SLC24A2: variants seen among roughly 807,000 people sequenced by gnomAD.
SLC24A2 encodes the protein solute carrier family 24 member 2, also known as sodium/potassium/calcium exchanger 2.
In SLC24A2, 36 loss-of-function variants were observed where a neutral mutation model predicts 62.0. The observed-to-expected ratio is 0.58, with a 90% CI of 0.44 to 0.77. The LOEUF is 0.77. Among genes scored for constraint, SLC24A2 ranks in the 30% least tolerant of loss-of-function variants. The probability of loss-of-function intolerance (pLI) is 0.00; values close to 1 mark genes in which losing one functional copy is unlikely to be tolerated. For synonymous variants in SLC24A2, 358 were observed against 294.0 expected, an observed-to-expected ratio of 1.22 and a Z score of -2.23; for missense variants, 846 against 817.9, an observed-to-expected ratio of 1.03 and a Z score of -0.42.
the SLC24A2 span, among the ~76,000 whole-genome samples, chr9:20,206,767 C>A: frequency 6.6e-6 from 1 of 152,064 alleles, no homozygotes; most frequent in East Asian, 1.9e-4. Context: ...GCGTGAGCCA[C>A]TTCGCCTGGC....
At chr9:19,878,691 G>GT in the SLC24A2 span, among the ~76,000 whole-genome samples, 1 of 152,058 alleles carries the variant, frequency 6.6e-6, no homozygotes, top group Admixed American at 6.6e-5. Flanking sequence ...CCCTGGCCAT[G>GT]TAAGACCTGC....
the SLC24A2 span, chr9:19,967,549 A>C: frequency 6.6e-6 from 1 of 152,226 alleles, no homozygotes; most frequent in Non-Finnish European, 1.5e-5. Context: ...GGTAGCTCTG[A>C]TGCAATTTAC....
chr9:19,574,624 TG>T (rs11302451), intron 6 of SLC24A2, among the ~76,000 whole-genome samples: 138,457 of 152,178 alleles, frequency 0.91, 63,092 homozygotes, highest in East Asian at 1. Context: ...TATAAAACAC[TG>T]TAGCATAGTG....
intron 2 of SLC24A2, among the ~76,000 whole-genome samples, chr9:19,652,724 T>G (rs571706685): frequency 6.6e-6 from 1 of 152,318 alleles, no homozygotes; most frequent in East Asian, 1.9e-4. Flanking sequence ...CTGGTAATAA[T>G]AGGAATTTAA....
the SLC24A2 span, among the ~76,000 whole-genome samples, chr9:20,291,078 T>A: frequency 6.6e-6 from 1 of 152,064 alleles, no homozygotes; most frequent in Non-Finnish European, 1.5e-5. Context: ...CAACCACACA[T>A]ATCAACAATG....
At chr9:20,078,459 G>A in the SLC24A2 span, among the ~76,000 whole-genome samples, 1 of 152,136 alleles carries the variant, frequency 6.6e-6, no homozygotes, top group African/African-American at 2.4e-5. Flanking sequence ...CCCACTGACT[G>A]AAGTGAACTG....
rs1434723683 is a variant in SLC24A2, at chr9:19,553,741, A to C, written c.1348-3473T>G. On this transcript the variant is annotated intron_variant, in intron 7 of 10. Coordinates refer to ENST00000341998, the MANE Select transcript of SLC24A2 (RefSeq NM_020344.4). ...GCAGTCACTAAGCACCTACAGGTGCAAAGCACTGCATTTAATTCTAGGACT... is the reference window on the plus strand; with the variant it reads ...GCAGTCACTAAGCACCTACAGGTGCCAAGCACTGCATTTAATTCTAGGACT... 4.6e-5 allele frequency among the ~76,000 whole-genome samples: 7 copies of C among 152,374 alleles called. No homozygotes were observed. The South Asian group carries it at 1.0e-3, about 23-fold the overall frequency.
chr9:20,099,997 A>G, the SLC24A2 span, among the ~76,000 whole-genome samples: 1 of 151,734 alleles, frequency 6.6e-6, no homozygotes, highest in Admixed American at 6.6e-5. Context: ...TATGAGGCTT[A>G]TATCCTTTTC....
chr9:20,282,977 G>T, the SLC24A2 span, among the ~76,000 whole-genome samples: 1 of 152,082 alleles, frequency 6.6e-6, no homozygotes, highest in Non-Finnish European at 1.5e-5. Flanking sequence ...TGAGTCAAAG[G>T]GATAGAAACA....
chr9:20,174,494 G>A, the SLC24A2 span, among the ~76,000 whole-genome samples: 1 of 146,234 alleles, frequency 6.8e-6, no homozygotes, highest in Admixed American at 6.7e-5. Flanking sequence ...CAGCAAACTG[G>A]AACAAATTAG....
the SLC24A2 span, among the ~76,000 whole-genome samples, chr9:19,857,746 GT>G: frequency 0.012 from 1,717 of 148,246 alleles, 23 homozygotes; most frequent in African/African-American, 0.032. Flanking sequence ...ACTTCAGTAG[GT>G]TTTTTTTTTT....
chr9:20,249,704 CA>C, the SLC24A2 span, among the ~76,000 whole-genome samples: 1,897 of 76,476 alleles, frequency 0.025, 7 homozygotes, highest in African/African-American at 0.035. Flanking sequence ...AACTCTGTCT[CA>C]AAAAAAAAAA....
the SLC24A2 span, among the ~76,000 whole-genome samples, chr9:20,172,643 A>T: frequency 6.6e-6 from 1 of 152,082 alleles, no homozygotes; most frequent in Admixed American, 6.6e-5. Flanking sequence ...TCCTAGCTTA[A>T]ATCAGGAAGA....
At chr9:19,904,169 A>G in the SLC24A2 span, among the ~76,000 whole-genome samples, 2 of 152,182 alleles carry the variant, frequency 1.3e-5, no homozygotes, top group African/African-American at 4.8e-5. Context: ...CTTGTTAGAT[A>G]TGAAGAATCT....
chr9:19,895,723 T>G, the SLC24A2 span: 8 of 1,286,266 alleles, frequency 6.2e-6, no homozygotes, highest in Admixed American at 2.2e-5. Flanking sequence ...TGGGGCCTGG[T>G]GGTCGAGGCT....
chr9:20,167,788 T>C, the SLC24A2 span, among the ~76,000 whole-genome samples: 1 of 151,984 alleles, frequency 6.6e-6, no homozygotes, highest in South Asian at 2.1e-4. Flanking sequence ...GGCAAGATCA[T>C]AGCTTACTGC....
At chr9:19,554,169 A>G (rs1194387196) in intron 7 of SLC24A2, among the ~76,000 whole-genome samples, 1 of 152,220 alleles carries the variant, frequency 6.6e-6, no homozygotes, top group Non-Finnish European at 1.5e-5. Context: ...GGCCACATGA[A>G]GATGGGGACA....
the SLC24A2 span, among the ~76,000 whole-genome samples, chr9:20,162,188 A>C: frequency 6.6e-6 from 1 of 151,684 alleles, no homozygotes; most frequent in Non-Finnish European, 1.5e-5. Flanking sequence ...CAGAAGTTTG[A>C]GGCCAGTTTC....
Position 19,743,061 on chromosome 9 carries a change from C to T in SLC24A2, c.930+42876G>A, listed in dbSNP as rs10964265. On this transcript the variant is annotated intron_variant, in intron 2 of 10. Coordinates refer to ENST00000341998, the MANE Select transcript of SLC24A2 (RefSeq NM_020344.4). Reference sequence around the variant, plus strand: ...AAAATTTAAGTGTCTCTGATATTTCCCTAAGTCTGAAAAAACTGTTATTTT... The same window carrying T: ...AAAATTTAAGTGTCTCTGATATTTCTCTAAGTCTGAAAAAACTGTTATTTT... Among the ~76,000 whole-genome samples, 4,573 of 152,144 alleles carry T rather than the reference C, an allele frequency of 0.03. 377 individuals carry two copies. In the East Asian group the frequency reaches 0.37, roughly 12 times the overall value.
Sources: allele counts gnomAD v4.1 joint callset (sites outside exome capture counted in the v4.1 genomes callset), GRCh38; gene constraint gnomAD v4.1.1; transcripts MANE v1.5; gene names NCBI Gene and HGNC (gene_info 2026-07-23, HGNC 2026-07-21).